Variants in PSD3 observed in about 807,000 individuals in gnomAD.
The protein encoded by PSD3 is pleckstrin and Sec7 domain containing 3.
A neutral mutation model predicts 105.5 loss-of-function variants in PSD3; 49 were observed. The ratio of observed to expected loss-of-function variants is 0.46; its 90% CI spans 0.37 to 0.59. The LOEUF (loss-of-function observed/expected upper bound fraction) is 0.59, where lower values mean the gene tolerates loss of function less well. Among genes scored for constraint, PSD3 ranks in the 20% least tolerant of loss-of-function variants. PSD3 has a pLI of 0.00. For missense variants in PSD3, 1,561 were observed against 1,263.8 expected (o/e 1.24, Z -3.57); for synonymous variants, 557 against 457.8 (o/e 1.22, Z -2.77).
intron 1 of PSD3, among the ~76,000 whole-genome samples, chr8:18,972,918 AG>A (rs1254970899): frequency 6.6e-6 from 1 of 152,350 alleles, no homozygotes; most frequent in Non-Finnish European, 1.5e-5. Context: ...CACCCTTCAA[AG>A]GTCCTGTCCA....
intron 4 of PSD3, among the ~76,000 whole-genome samples, chr8:18,858,698 G>A (rs71510628): frequency 0.097 from 14,712 of 152,038 alleles, 761 homozygotes; most frequent in South Asian, 0.18. Flanking sequence ...TCAAGAAACC[G>A]CTTTCTTTAT....
intron 2 of PSD3, among the ~76,000 whole-genome samples, chr8:18,928,724 CCTT>C (rs998981687): frequency 2.7e-4 from 41 of 151,258 alleles, no homozygotes; most frequent in African/African-American, 9.5e-4. Flanking sequence ...TTCCTTCCTT[CCTT>C]GTTTCTTTCT....
intron 9 of PSD3, among the ~76,000 whole-genome samples, chr8:18,760,672 T>C (rs1296926056): frequency 6.6e-6 from 1 of 152,226 alleles, no homozygotes; most frequent in Non-Finnish European, 1.5e-5. Flanking sequence ...ATCTGGGCTG[T>C]TATGAATTTT....
At chr8:18,978,171 T>C (rs546653265) in intron 1 of PSD3, among the ~76,000 whole-genome samples, 1 of 152,322 alleles carries the variant, frequency 6.6e-6, no homozygotes, top group East Asian at 1.9e-4. Flanking sequence ...AGCTCAGAGC[T>C]GAAGTTTGCT....
intron 1 of PSD3, among the ~76,000 whole-genome samples, chr8:19,072,073 A>T (rs1171200307): frequency 6.7e-6 from 1 of 149,356 alleles, no homozygotes; most frequent in Non-Finnish European, 1.5e-5. Context: ...TTCCAACTCT[A>T]CAGAGCTCTT....
chr8:18,804,295 C>T (rs1173789096), intron 6 of PSD3: 1 of 396,730 alleles, frequency 2.5e-6, no homozygotes, highest in East Asian at 3.9e-5. Context: ...TTCAGATTTT[C>T]AGATTTGGGA....
In PSD3 at chr8:18,799,357, A is replaced by C. The variant is rs1217293068; in HGVS notation, c.2024-4T>G. 5 of 1,590,930 alleles carry C rather than the reference A, an allele frequency of 3.1e-6. No homozygotes were observed. The highest frequency in any genetic ancestry group is 2.2e-5 in the South Asian group (2 of 90,166). ...CAGGTAAGGCAATGGACTCCATCTA[A>C]AGAAAGATACAAGAAAAAAAAGCAT... is the stretch of plus-strand genomic sequence containing the variant. On this transcript the variant is annotated splice_polypyrimidine_tract_variant and splice_region_variant and intron_variant, in intron 7 of 15. Transcript: ENST00000327040.
At chr8:18,919,906 C>T (rs1343697826) in intron 2 of PSD3, among the ~76,000 whole-genome samples, 6 of 149,090 alleles carry the variant, frequency 4.0e-5, no homozygotes, top group African/African-American at 7.4e-5. Context: ...TGCTAGATGA[C>T]GAGTTAGTGG....
chr8:19,073,846 A>G (rs1257532510), intron 1 of PSD3, among the ~76,000 whole-genome samples: 1 of 150,408 alleles, frequency 6.6e-6, no homozygotes, highest in Non-Finnish European at 1.5e-5. Flanking sequence ...GCTGGAGTGC[A>G]GTGGTAGGAT....
chr8:18,627,254 G>T (rs1393837140), intron 11 of PSD3, among the ~76,000 whole-genome samples: 1 of 151,960 alleles, frequency 6.6e-6, no homozygotes, highest in Non-Finnish European at 1.5e-5. Flanking sequence ...AGGTAAGAAA[G>T]GAGTTTAGTG....
intron 9 of PSD3, among the ~76,000 whole-genome samples, chr8:18,709,490 G>T (rs1034518829): frequency 6.6e-6 from 1 of 152,222 alleles, no homozygotes; most frequent in African/African-American, 2.4e-5. Context: ...CTGCCAAGGG[G>T]CAGCCAGGCT....
At chr8:18,606,817 G>A (rs1298295610) in intron 11 of PSD3, among the ~76,000 whole-genome samples, 8 of 152,196 alleles carry the variant, frequency 5.3e-5, no homozygotes, top group Non-Finnish European at 1.2e-4. Context: ...CACCTACACT[G>A]CAGCACTCTG....
At chr8:18,805,115 A>G (rs73595761) in intron 4 of PSD3, among the ~76,000 whole-genome samples, 6,243 of 152,266 alleles carry the variant, frequency 0.041, 447 homozygotes, top group African/African-American at 0.14. Context: ...CAAACTTTTC[A>G]GTCTCTAGAC....
chr8:18,614,825 G>A (rs551298678), intron 11 of PSD3, among the ~76,000 whole-genome samples: 4 of 149,918 alleles, frequency 2.7e-5, no homozygotes, highest in African/African-American at 7.4e-5. Context: ...TCATAGACAC[G>A]GGGTCTTGCA....
intron 11 of PSD3, among the ~76,000 whole-genome samples, chr8:18,623,757 A>C (rs1335369659): frequency 1.3e-5 from 2 of 152,190 alleles, no homozygotes; most frequent in African/African-American, 4.8e-5. Flanking sequence ...TTATCAATAT[A>C]GTGAAACCAC....
intron 10 of PSD3, among the ~76,000 whole-genome samples, chr8:18,638,982 C>G (rs1807458631): frequency 6.6e-6 from 1 of 152,206 alleles, no homozygotes; most frequent in Non-Finnish European, 1.5e-5. Flanking sequence ...GGTGCCATGG[C>G]ATTGACCACT....
chr8:18,534,833 A>G lies in PSD3; in HGVS notation c.*910T>C, dbSNP rs1799769880. The G allele has an allele frequency of 6.6e-6, 1 of 152,518 alleles. No homozygotes were observed. The highest frequency in any genetic ancestry group is 2.4e-5 in the African/African-American group (1 of 41,378). The allele number at this position is 152,518 out of a possible 1,614,324, so 9.4% of individuals were successfully genotyped here. A position where few individuals can be genotyped will look rare whatever the true frequency, so the allele number is the denominator to read the frequency against. On this transcript the variant is annotated 3_prime_UTR_variant, in exon 16 of 16. Transcript: ENST00000327040. ...CACACACACGCACGCACACACACAT[A>G]TGTAGAGTAAGAAAAATCTATTCCT...
At chr8:18,924,258 G>T (rs1228592841) in intron 2 of PSD3, among the ~76,000 whole-genome samples, 1 of 152,212 alleles carries the variant, frequency 6.6e-6, no homozygotes, top group East Asian at 1.9e-4. Context: ...TCAAGCAGAG[G>T]CTGTGGTACA....
chr8:18,879,735 C>T (rs184418038), intron 2 of PSD3, among the ~76,000 whole-genome samples: 1 of 152,246 alleles, frequency 6.6e-6, no homozygotes, highest in African/African-American at 2.4e-5. Context: ...GAACCACAGG[C>T]ATGTGCCATC....
Sources: allele counts gnomAD v4.1 joint callset (sites outside exome capture counted in the v4.1 genomes callset), GRCh38; gene constraint gnomAD v4.1.1; transcripts MANE v1.5; gene names NCBI Gene and HGNC (gene_info 2026-07-23, HGNC 2026-07-21).